SLC36A1: variants seen among roughly 807,000 people sequenced by gnomAD.
The protein encoded by SLC36A1 is solute carrier family 36 member 1, also known as proton-coupled amino acid transporter 1.
In SLC36A1, 30 loss-of-function variants were observed where a neutral mutation model predicts 47.5. The observed-to-expected ratio is 0.63, with a 90% confidence interval of 0.47 to 0.86. The LOEUF (loss-of-function observed/expected upper bound fraction) is 0.86. Ranked by LOEUF, SLC36A1 falls within the 40% of genes least tolerant of loss-of-function variation. The probability of loss-of-function intolerance (pLI) is 0.00; values close to 1 mark genes in which losing one functional copy is unlikely to be tolerated. For synonymous variants in SLC36A1, 255 were observed against 249.7 expected (o/e 1.02, Z -0.20); for missense variants, 517 against 606.0 (o/e 0.85, Z 1.54).
chr5:151,475,107 G>A (rs1380352845), intron 8 of SLC36A1, among the ~76,000 whole-genome samples: 3 of 152,232 alleles, frequency 2.0e-5, no homozygotes, highest in Non-Finnish European at 4.4e-5. Flanking sequence ...CATGAAGAGT[G>A]TCTCACTGTA....
chr5:151,451,239 G>T (rs1034727750), intron 1 of SLC36A1, among the ~76,000 whole-genome samples: 1 of 151,854 alleles, frequency 6.6e-6, no homozygotes, highest in Non-Finnish European at 1.5e-5. Flanking sequence ...TTTTTTTGGA[G>T]ATGAGGTCTC....
At chr5:151,396,932 A>G in the SLC36A1 span, among the ~76,000 whole-genome samples, 1 of 152,184 alleles carries the variant, frequency 6.6e-6, no homozygotes, top group Non-Finnish European at 1.5e-5. Flanking sequence ...CAGAAGTCAC[A>G]CTCTTAAGTA....
At chr5:151,381,794 G>T in the SLC36A1 span, among the ~76,000 whole-genome samples, 1 of 151,968 alleles carries the variant, frequency 6.6e-6, no homozygotes, top group African/African-American at 2.4e-5. Context: ...CACTGGCCCC[G>T]CCCCCTACCC....
chr5:151,544,728 A>G, the SLC36A1 span: 1 of 1,614,186 alleles, frequency 6.2e-7, no homozygotes, highest in South Asian at 1.1e-5. Flanking sequence ...TTAAAGCTTG[A>G]TAATCAAAGG....
chr5:151,426,004 A>ATC, the SLC36A1 span, among the ~76,000 whole-genome samples: 25 of 149,570 alleles, frequency 1.7e-4, 1 homozygote, highest in South Asian at 5.0e-3. Flanking sequence ...CTATCTATCT[A>ATC]TACCTATGTC....
chr5:151,496,695 A>G (rs1021246125), downstream of SLC36A1, among the ~76,000 whole-genome samples: 2 of 152,196 alleles, frequency 1.3e-5, no homozygotes, highest in African/African-American at 2.4e-5. Context: ...AGCTGGGACT[A>G]CAGGTGCATG....
At chr5:151,399,055 T>A in the SLC36A1 span, among the ~76,000 whole-genome samples, 1 of 132,628 alleles carries the variant, frequency 7.5e-6, no homozygotes, top group Non-Finnish European at 1.6e-5. Context: ...TATATATGAG[T>A]GTGTGTGTAA....
the SLC36A1 span, among the ~76,000 whole-genome samples, chr5:151,349,441 C>G: frequency 6.6e-6 from 1 of 152,122 alleles, no homozygotes; most frequent in Non-Finnish European, 1.5e-5. Flanking sequence ...GCCCAGGCAT[C>G]CGAAGCCCTG....
At chr5:151,385,009 A>AGTGTGTGT in the SLC36A1 span, among the ~76,000 whole-genome samples, 29 of 128,518 alleles carry the variant, frequency 2.3e-4, no homozygotes, top group African/African-American at 9.8e-4. Flanking sequence ...AGAGAGAGAG[A>AGTGTGTGT]GTGTGTGTGT....
At chr5:151,382,978 A>T in the SLC36A1 span, among the ~76,000 whole-genome samples, 1 of 152,198 alleles carries the variant, frequency 6.6e-6, no homozygotes, top group Non-Finnish European at 1.5e-5. Context: ...TAAAGCCAGG[A>T]TGGTCTCAAT....
At chr5:151,453,366 T>G (rs1309579135) in intron 1 of SLC36A1, among the ~76,000 whole-genome samples, 2 of 152,072 alleles carry the variant, frequency 1.3e-5, no homozygotes, top group African/African-American at 2.4e-5. Context: ...GTATAAAGAT[T>G]ATTAATTCAT....
chr5:151,365,895 G>A, the SLC36A1 span, among the ~76,000 whole-genome samples: 1 of 152,128 alleles, frequency 6.6e-6, no homozygotes, highest in East Asian at 1.9e-4. Context: ...GTGCCTCCTG[G>A]TGGTACCAGG....
the SLC36A1 span, among the ~76,000 whole-genome samples, chr5:151,426,107 T>G: frequency 6.6e-6 from 1 of 152,236 alleles, no homozygotes; most frequent in African/African-American, 2.4e-5. Flanking sequence ...ACAATAGATG[T>G]GTTCATTCTT....
At chr5:151,532,209 C>T in the SLC36A1 span, among the ~76,000 whole-genome samples, 3 of 152,170 alleles carry the variant, frequency 2.0e-5, no homozygotes, top group African/African-American at 7.2e-5. Context: ...TCAAACTATC[C>T]GAAAATATTA....
At chr5:151,413,555 G>A in the SLC36A1 span, among the ~76,000 whole-genome samples, 6 of 152,022 alleles carry the variant, frequency 3.9e-5, no homozygotes, top group East Asian at 1.9e-4. Context: ...CATAACTTTC[G>A]CCTTTTTATT....
intron 1 of SLC36A1, among the ~76,000 whole-genome samples, chr5:151,455,349 T>C (rs1754335572): frequency 6.6e-6 from 1 of 152,168 alleles, no homozygotes; most frequent in African/African-American, 2.4e-5. Flanking sequence ...GAATTTTTTT[T>C]TTCTGTTTTC....
chr5:151,359,815 T>C, the SLC36A1 span, among the ~76,000 whole-genome samples: 1 of 152,264 alleles, frequency 6.6e-6, no homozygotes, highest in Admixed American at 6.5e-5. Context: ...TGCTGTAGAA[T>C]GTTTTGAGGT....
intron 1 of SLC36A1, among the ~76,000 whole-genome samples, chr5:151,442,176 G>A (rs951766836): frequency 2.0e-5 from 3 of 151,938 alleles, no homozygotes; most frequent in Non-Finnish European, 2.9e-5. Context: ...AAATGTTTTT[G>A]TGTATATTTA....
the SLC36A1 span, chr5:151,378,085 C>G: frequency 8.6e-6 from 3 of 349,084 alleles, no homozygotes; most frequent in Admixed American, 1.0e-4. Context: ...AGAAGGTATA[C>G]AGGTTGATGT....
Sources: allele counts gnomAD v4.1 joint callset (sites outside exome capture counted in the v4.1 genomes callset), GRCh38; gene constraint gnomAD v4.1.1; transcripts MANE v1.5; gene names NCBI Gene and HGNC (gene_info 2026-07-23, HGNC 2026-07-21).